The following AFF3 variants were observed in gnomAD, a reference collection of about 807,000 sequenced individuals.
AFF3 encodes the protein ALF transcription elongation factor 3.
In AFF3, 32 loss-of-function variants were observed where a neutral mutation model predicts 129.7. The ratio of observed to expected loss-of-function variants is 0.25; its 90% confidence interval spans 0.19 to 0.33. The LOEUF (loss-of-function observed/expected upper bound fraction) is 0.33, where lower values mean the gene tolerates loss of function less well. AFF3 is among the 10% of genes least tolerant of loss of function. The probability of loss-of-function intolerance (pLI) is 1.00; values close to 1 mark genes in which losing one functional copy is unlikely to be tolerated. For synonymous variants in AFF3, 644 were observed against 635.4 expected (o/e 1.01, Z -0.20); for missense variants, 1,373 against 1,592.0 (o/e 0.86, Z 2.34).
At chr2:99,931,228 G>C (rs764299210) in intron 7 of AFF3, among the ~76,000 whole-genome samples, 10 of 152,170 alleles carry the variant, frequency 6.6e-5, no homozygotes, top group Non-Finnish European at 1.5e-4. Flanking sequence ...GGACTTAACA[G>C]TCATCCATTC....
At chr2:99,583,064 A>G (rs934381148) in intron 16 of AFF3, 65 bp from the exon 17 acceptor site, 7 of 1,515,716 alleles carry the variant, frequency 4.6e-6, no homozygotes, top group Non-Finnish European at 6.4e-6. Flanking sequence ...AAATGTTTTC[A>G]TATGACCCAA....
chr2:99,818,955 C>T (rs1687446063), intron 8 of AFF3, among the ~76,000 whole-genome samples: 2 of 152,124 alleles, frequency 1.3e-5, no homozygotes. Context: ...AAGGCAAAGA[C>T]ATTTAAATAA....
chr2:99,695,367 A>G (rs1676105406), intron 11 of AFF3, among the ~76,000 whole-genome samples: 2 of 152,174 alleles, frequency 1.3e-5, no homozygotes, highest in African/African-American at 4.8e-5. Context: ...CATATACTCA[A>G]GGACTTCACT....
chr2:100,063,127 T>C (rs1687437733), intron 4 of AFF3, among the ~76,000 whole-genome samples: 1 of 152,028 alleles, frequency 6.6e-6, no homozygotes, highest in African/African-American at 2.4e-5. Flanking sequence ...GGCACTTGCC[T>C]GTAATCCCAG....
At chr2:100,008,477 C>T (rs527816564) in intron 5 of AFF3, among the ~76,000 whole-genome samples, 1 of 152,022 alleles carries the variant, frequency 6.6e-6, no homozygotes, top group Non-Finnish European at 1.5e-5. Context: ...GTGTTTGTTT[C>T]CTACGATCTG....
intron 8 of AFF3, among the ~76,000 whole-genome samples, chr2:99,814,445 C>T (rs1687054691): frequency 6.6e-6 from 1 of 152,128 alleles, no homozygotes; most frequent in Non-Finnish European, 1.5e-5. Context: ...TTGGAGCACG[C>T]ATAGGGAAGG....
chr2:99,572,790 G>A (rs1676625661), intron 18 of AFF3, among the ~76,000 whole-genome samples: 2 of 152,148 alleles, frequency 1.3e-5, no homozygotes, highest in South Asian at 4.1e-4. Flanking sequence ...ATGGATGAGG[G>A]CACTTCAGAG....
intron 8 of AFF3, among the ~76,000 whole-genome samples, chr2:99,785,379 C>G (rs1684714608): frequency 6.6e-6 from 1 of 152,168 alleles, no homozygotes; most frequent in African/African-American, 2.4e-5. Context: ...TTCTACCTGC[C>G]TTTATAAGGA....
intron 7 of AFF3, among the ~76,000 whole-genome samples, chr2:99,909,511 C>T (rs189266377): frequency 2.0e-5 from 3 of 151,272 alleles, no homozygotes; most frequent in Admixed American, 6.6e-5. Flanking sequence ...TGCTAAATGA[C>T]GAGTTACTGG....
intron 8 of AFF3, among the ~76,000 whole-genome samples, chr2:99,835,743 C>T (rs1344701): frequency 0.78 from 119,057 of 152,000 alleles, 47,439 homozygotes; most frequent in South Asian, 0.93. Flanking sequence ...CCAGCCACCA[C>T]CTCCACTGCC....
At chr2:99,940,748 T>A (rs892869936) in intron 7 of AFF3, among the ~76,000 whole-genome samples, 1 of 152,212 alleles carries the variant, frequency 6.6e-6, no homozygotes. Flanking sequence ...ACTTTCTTAA[T>A]AAACTTGCTT....
intron 7 of AFF3, among the ~76,000 whole-genome samples, chr2:100,005,361 G>C (rs1226731400): frequency 2.0e-5 from 3 of 152,092 alleles, no homozygotes; most frequent in African/African-American, 7.2e-5. Flanking sequence ...TTAACAAGAA[G>C]TCAATTGAGA....
intron 7 of AFF3, among the ~76,000 whole-genome samples, chr2:99,886,043 T>G (rs1165957417): frequency 6.6e-6 from 1 of 152,178 alleles, no homozygotes; most frequent in Non-Finnish European, 1.5e-5. Flanking sequence ...TAATGATTGA[T>G]TGGTAGAAAG....
At chr2:99,936,735 C>T (rs919286397) in intron 7 of AFF3, among the ~76,000 whole-genome samples, 11 of 152,180 alleles carry the variant, frequency 7.2e-5, no homozygotes, top group African/African-American at 2.7e-4. Context: ...AGTGCAAACA[C>T]GCTTGCTAAA....
intron 8 of AFF3, among the ~76,000 whole-genome samples, chr2:99,784,513 C>T (rs184784050): frequency 3.3e-4 from 51 of 152,266 alleles, no homozygotes; most frequent in Admixed American, 1.8e-3. Context: ...AAAGGGTGAC[C>T]GGATGGCAAA....
At chr2:99,692,443 G>A (rs529861387) in intron 11 of AFF3, among the ~76,000 whole-genome samples, 1 of 152,300 alleles carries the variant, frequency 6.6e-6, no homozygotes, top group South Asian at 2.1e-4. Flanking sequence ...GGGGGCAGGA[G>A]GCAGGGGCTA....
chr2:99,574,850 T>A (rs1327194210), intron 18 of AFF3, among the ~76,000 whole-genome samples: 1 of 152,164 alleles, frequency 6.6e-6, no homozygotes, highest in Non-Finnish European at 1.5e-5. Context: ...GGCCTCTCTT[T>A]GGTCATTTCA....
intron 8 of AFF3, among the ~76,000 whole-genome samples, chr2:99,781,624 G>A (rs78003088): frequency 0.021 from 3,184 of 152,250 alleles, 113 homozygotes; most frequent in African/African-American, 0.073. Flanking sequence ...AGACTGGATG[G>A]CCCTCAAAGC....
chr2:99,933,651 C>T (rs1210031271), intron 7 of AFF3, among the ~76,000 whole-genome samples: 1 of 152,124 alleles, frequency 6.6e-6, no homozygotes, highest in East Asian at 1.9e-4. Flanking sequence ...CAGCTTCATC[C>T]ATGTCCCTGC....
Sources: gnomAD v4.1 joint callset for allele counts (sites outside exome capture counted in the v4.1 genomes callset) on GRCh38, gnomAD v4.1.1 for gene constraint, MANE v1.5 for transcripts, NCBI Gene and HGNC (gene_info 2026-07-23, HGNC 2026-07-21) for gene names.